C1GALT1C1L: variants seen among roughly 807,000 people sequenced by gnomAD.
C1GALT1C1L encodes C1GALT1 specific chaperone 1 like.
A neutral mutation model predicts 0.5 loss-of-function variants in C1GALT1C1L; 1 was observed. That is an observed-to-expected ratio of 2.11 (90% confidence interval 0.75 to 10.02). The LOEUF is 10.02. C1GALT1C1L is among the 30% of genes most tolerant of loss of function. The pLI is 0.13. For missense variants in C1GALT1C1L, 444 were observed against 375.5 expected (o/e 1.18, Z -1.51); for synonymous variants, 148 against 132.6 (o/e 1.12, Z -0.80).
chr2:43,676,188 A>G lies in C1GALT1C1L; in HGVS notation c.135T>C (p.Leu45=). Residue 45 remains leucine (L), a synonymous_variant, in exon 1 of 1, where the codon CTT becomes CTC. Coordinates refer to ENST00000475092, the MANE Select transcript of C1GALT1C1L (RefSeq NM_001101330.3). ...AGAAATCGTTCCTGTTAGGTGGACG[A>G]AGGTGATGGTGCTCGTGGTCTTGAG... The part of the protein sequence containing the change: ...GQTQDHEHHH[L]RPPNRNDFLN... 6.2e-7 allele frequency: 1 copy of G among 1,614,034 alleles called. No individual in the cohort carries two copies. The highest frequency in any genetic ancestry group is 8.5e-7 in the Non-Finnish European group (1 of 1,179,898).
At chr2:43,675,473 C>A in the C1GALT1C1L span, 10 of 1,613,850 alleles carry the variant, frequency 6.2e-6, no homozygotes, top group South Asian at 1.1e-4. Flanking sequence ...ATCATTACTT[C>A]CATCTTTTGG....
At position 43,676,203 on chromosome 2, in the gene C1GALT1C1L, G is replaced by A. The variant is rs747149020; in HGVS notation, c.120C>T (p.His40=). The change falls in exon 1 of 1, where the codon CAC becomes CAT. Residue 40 remains histidine (H), a synonymous_variant. Transcript: ENST00000475092. ...TAGGTGGACGAAGGTGATGGTGCTCGTGGTCTTGAGTTTGACCTCTGTGTC... is the reference window on the plus strand; with the variant it reads ...TAGGTGGACGAAGGTGATGGTGCTCATGGTCTTGAGTTTGACCTCTGTGTC... ...HIRHRGQTQD[H]EHHHLRPPNR... 1.2e-6 allele frequency: 2 copies of A among 1,614,016 alleles called. No individual in the cohort carries two copies. The highest frequency in any genetic ancestry group is 1.7e-6 in the Non-Finnish European group (2 of 1,179,896).
At position 43,675,678 on chromosome 2, in the gene C1GALT1C1L, A is replaced by G. The variant is rs753946178; in HGVS notation, c.645T>C (p.Ser215=). The G allele has an allele frequency of 3.1e-6, 5 of 1,613,966 alleles. No homozygotes were observed. In the African/African-American group the frequency reaches 6.7e-5, roughly 22 times the overall value. Residue 215 remains serine (S), a synonymous_variant, in exon 1 of 1, where the codon TCT becomes TCC. Transcript: ENST00000475092. The part of the protein sequence containing the change: ...CADQSVIWKL[S]EDKQLAICLK... ...GGCATATTGCCAGCTGCTTATCTTC[A>G]GATAACTTCCAAATCACACTTTGAT... is the stretch of plus-strand genomic sequence containing the variant.
the C1GALT1C1L span, chr2:43,675,913 C>T: frequency 2.5e-6 from 4 of 1,614,030 alleles, no homozygotes; most frequent in Non-Finnish European, 3.4e-6. Context: ...AAGGAAGAAC[C>T]AGTTGTAGTT....
the C1GALT1C1L span, chr2:43,675,904 AG>A: frequency 6.2e-7 from 1 of 1,614,120 alleles, no homozygotes; most frequent in Non-Finnish European, 8.5e-7. Context: ...GGGAAGTGCA[AG>A]GAAGAACCAG....
rs769651327 is a variant in C1GALT1C1L at position 43,675,902 on chromosome 2, C to G, written c.421G>C (p.Ala141Pro). 6.2e-7 allele frequency: 1 copy of G among 1,613,958 alleles called. No homozygotes were observed. The highest frequency in any genetic ancestry group is 8.5e-7 in the Non-Finnish European group (1 of 1,179,966). Reference protein sequence around the residue: ...YGDNYNWFFLALPTTFAVIEN... With the variant: ...YGDNYNWFFLPLPTTFAVIEN... ...ATGACAGCAAACGTAGTGGGAAGTG[C>G]AAGGAAGAACCAGTTGTAGTTGTCA... Residue 141 changes from alanine to proline, a missense_variant, in exon 1 of 1, where the codon GCA becomes CCA. Transcript: ENST00000475092.
chr2:43,676,372 GGTCCTGGGGTCCCGCGCCTT>G lies in C1GALT1C1L; in HGVS notation c.-70_-51del. 6.9e-7 allele frequency: 1 copy of G among 1,442,936 alleles called. No homozygotes were observed. The highest frequency in any genetic ancestry group is 1.4e-5 in the South Asian group (1 of 72,864). The allele number at this position is 1,442,936 out of a possible 1,614,324, so 89.4% of individuals were successfully genotyped here. ...CAGGGTCAAAGGCAGCCTGGGACCG[GGTCCTGGGGTCCCGCGCCTT>G]CCGGAGCTGGCGGCTGCGCTCCCGG... On this transcript the variant is annotated 5_prime_UTR_variant, in exon 1 of 1. Coordinates refer to ENST00000475092, the MANE Select transcript of C1GALT1C1L (RefSeq NM_001101330.3).
Position 43,676,104 on chromosome 2 carries a change from G to A in C1GALT1C1L, c.219C>T (p.Ile73=), listed in dbSNP as rs1411738041. The change falls in exon 1 of 1, where the codon ATC becomes ATT. Residue 73 remains isoleucine, a synonymous_variant. Coordinates refer to ENST00000475092, the MANE Select transcript of C1GALT1C1L (RefSeq NM_001101330.3). ...ELSKSIRVFC[I]IFGESEDESY... is the part of the protein sequence containing the mutation. ...TCTCATCTTCGGATTCTCCAAAGAT[G>A]ATACAGAAAACACGAATACTTTTAC... The A allele has an allele frequency of 3.7e-6, 6 of 1,613,886 alleles. No individual in the cohort carries two copies. The East Asian group carries it at 1.3e-4, about 36-fold the overall frequency.
In C1GALT1C1L at chr2:43,675,617, C is replaced by T; in HGVS notation, c.706G>A (p.Asp236Asn). ...YAGVHAENAE[D>N]YEGRDVFNTK... ...TTAAATACATCTCTTCCTTCATAATCCTCTGCATTTTCTGCATGAACTCCT... is the reference window on the plus strand; with the variant it reads ...TTAAATACATCTCTTCCTTCATAATTCTCTGCATTTTCTGCATGAACTCCT... Residue 236 changes from aspartate (D) to asparagine (N), a missense_variant, in exon 1 of 1, where the codon GAT becomes AAT. Physicochemically the swap from Asp to Asn is conservative, Grantham distance 23 (BLOSUM62 1). Coordinates refer to ENST00000475092, the MANE Select transcript of C1GALT1C1L (RefSeq NM_001101330.3). 1 of 1,613,686 alleles carries T rather than the reference C, an allele frequency of 6.2e-7. No homozygotes were observed. The highest frequency in any genetic ancestry group is 8.5e-7 in the Non-Finnish European group (1 of 1,179,790).
Position 43,675,542 on chromosome 2 carries a change from G to T in C1GALT1C1L, c.781C>A (p.Gln261Lys). 6.2e-7 allele frequency: 1 copy of T among 1,613,980 alleles called. No homozygotes were observed. The highest frequency in any genetic ancestry group is 1.7e-5 in the Admixed American group (1 of 60,020). Residue 261 changes from glutamine to lysine, a missense_variant, in exon 1 of 1, where the codon CAG becomes AAG. Coordinates refer to ENST00000475092, the MANE Select transcript of C1GALT1C1L (RefSeq NM_001101330.3). ...LIEEALSNNP[Q>K]QVVEGCCSDM... ...GAACAGCAGCCTTCTACTACTTGCTGAGGGTTATTAGACAATGCCTCTTCA... is the reference window on the plus strand; with the variant it reads ...GAACAGCAGCCTTCTACTACTTGCTTAGGGTTATTAGACAATGCCTCTTCA...
chr2:43,675,783 AGTCACGTATTCGAG>A, the C1GALT1C1L span: 1 of 1,613,702 alleles, frequency 6.2e-7, no homozygotes, highest in East Asian at 2.2e-5. Flanking sequence ...CTCCTTCCAC[AGTCACGTATTCGAG>A]GTCTCCAAAT....
chr2:43,676,149 T>A lies in C1GALT1C1L; in HGVS notation c.174A>T (p.Lys58Asn), dbSNP rs1481590142. The change falls in exon 1 of 1, where the codon AAA becomes AAT. Residue 58 changes from lysine to asparagine, a missense_variant. Transcript: ENST00000475092. ...PNRNDFLNTS[K>N]VILLELSKSI... ...TTTTACTGAGCTCCAAGAGTATCAC[T>A]TTTGAAGTGTTTAAGAAATCGTTCC... is the stretch of plus-strand genomic sequence containing the variant. 6.2e-7 allele frequency: 1 copy of A among 1,613,980 alleles called. No individual in the cohort carries two copies. The highest frequency in any genetic ancestry group is 8.5e-7 in the Non-Finnish European group (1 of 1,179,846).
Position 43,675,298 on chromosome 2 carries a change from A to G in C1GALT1C1L, c.*77T>C. On this transcript the variant is annotated 3_prime_UTR_variant, in exon 1 of 1. Transcript: ENST00000475092. Reference sequence around the variant, plus strand: ...TTATTGAATGAAGTACGTATTTTACACTTACACTGTATCAGAATTTGGACT... The same window carrying G: ...TTATTGAATGAAGTACGTATTTTACGCTTACACTGTATCAGAATTTGGACT... 1 of 942,758 alleles carries G rather than the reference A, an allele frequency of 1.1e-6. No homozygotes were observed. Among genetic ancestry groups the G allele is most frequent in the Non-Finnish European group, 1.6e-6 (1 of 644,936 alleles). The allele number at this position is 942,758 out of a possible 1,614,324, so 58.4% of individuals were successfully genotyped here. A position where few individuals can be genotyped will look rare whatever the true frequency, so the allele number is the denominator to read the frequency against.
In C1GALT1C1L at chr2:43,676,350, G is replaced by C. The variant is rs774767019; in HGVS notation, c.-28C>G. 1.3e-6 allele frequency: 2 copies of C among 1,540,452 alleles called. No homozygotes were observed. The highest frequency in any genetic ancestry group is 1.3e-5 in the South Asian group (1 of 78,694). The stretch of plus-strand genomic sequence containing the variant: ...TCCAGGCGTTAGGACAGTGTGCCAG[G>C]GTCAAAGGCAGCCTGGGACCGGGTC... On this transcript the variant is annotated 5_prime_UTR_variant, in exon 1 of 1. Transcript: ENST00000475092.
rs765344755 is a variant in C1GALT1C1L at position 43,676,370 on chromosome 2, CG to C, written c.-49del. 6.7e-7 allele frequency: 1 copy of C among 1,484,870 alleles called. No individual in the cohort carries two copies. The highest frequency in any genetic ancestry group is 1.3e-5 in the South Asian group (1 of 74,676). The allele number at this position is 1,484,870 out of a possible 1,614,324, so 92.0% of individuals were successfully genotyped here. ...GCCAGGGTCAAAGGCAGCCTGGGAC[CG>C]GGTCCTGGGGTCCCGCGCCTTCCGG... On this transcript the variant is annotated 5_prime_UTR_variant, in exon 1 of 1. Coordinates refer to ENST00000475092, the MANE Select transcript of C1GALT1C1L (RefSeq NM_001101330.3).
At position 43,675,589 on chromosome 2, in the gene C1GALT1C1L, G is replaced by C; in HGVS notation, c.734C>G (p.Thr245Arg). ...EDYEGRDVFN[T>R]KPIAQLIEEA... ...TTCAATAAGCTGTGCGATTGGTTTT[G>C]TATTAAATACATCTCTTCCTTCATA... is the stretch of plus-strand genomic sequence containing the variant. The change falls in exon 1 of 1, where the codon ACA (threonine) becomes AGA (arginine). Residue 245 changes from threonine (T) to arginine (R), a missense_variant. Transcript: ENST00000475092. 6.2e-7 allele frequency: 1 copy of C among 1,613,666 alleles called. No individual in the cohort carries two copies. Among genetic ancestry groups the C allele is most frequent in the Non-Finnish European group, 8.5e-7 (1 of 1,179,732 alleles).
Position 43,675,891 on chromosome 2 carries a change from A to G in C1GALT1C1L, c.432T>C (p.Thr144=). Residue 144 remains threonine, a synonymous_variant, in exon 1 of 1, where the codon ACT becomes ACC. Coordinates refer to ENST00000475092, the MANE Select transcript of C1GALT1C1L (RefSeq NM_001101330.3). ...TTAAATTTTCAATGACAGCAAACGT[A>G]GTGGGAAGTGCAAGGAAGAACCAGT... is the stretch of plus-strand genomic sequence containing the variant. ...NYNWFFLALP[T]TFAVIENLKY... 1 of 1,614,150 alleles carries G rather than the reference A, an allele frequency of 6.2e-7. No homozygotes were observed. The highest frequency in any genetic ancestry group is 8.5e-7 in the Non-Finnish European group (1 of 1,179,968).
rs1196781254 is a variant in C1GALT1C1L at position 43,676,144 on chromosome 2, A to G, written c.179T>C (p.Ile60Thr). 6.2e-7 allele frequency: 1 copy of G among 1,614,048 alleles called. No homozygotes were observed. Among genetic ancestry groups the G allele is most frequent in the African/African-American group, 1.3e-5 (1 of 75,062 alleles). The part of the protein sequence containing the change: ...RNDFLNTSKV[I>T]LLELSKSIRV... The stretch of plus-strand genomic sequence containing the variant: ...AATACTTTTACTGAGCTCCAAGAGT[A>G]TCACTTTTGAAGTGTTTAAGAAATC... Residue 60 changes from isoleucine to threonine, a missense_variant, in exon 1 of 1, where the codon ATA (isoleucine) becomes ACA (threonine). By Grantham distance (89) the Ile-to-Thr change is moderately conservative. Coordinates refer to ENST00000475092, the MANE Select transcript of C1GALT1C1L (RefSeq NM_001101330.3).
chr2:43,675,640 C>T lies in C1GALT1C1L; in HGVS notation c.683G>A (p.Gly228Glu), dbSNP rs747589003. 3 of 1,613,892 alleles carry T rather than the reference C, an allele frequency of 1.9e-6. No individual in the cohort carries two copies. The highest frequency in any genetic ancestry group is 3.3e-5 in the Admixed American group (2 of 60,024). Reference protein sequence around the residue: ...KQLAICLKYAGVHAENAEDYE... With the variant: ...KQLAICLKYAEVHAENAEDYE... ...ATCCTCTGCATTTTCTGCATGAACTCCTGCATATTTCAGGCATATTGCCAG... is the reference window on the plus strand; with the variant it reads ...ATCCTCTGCATTTTCTGCATGAACTTCTGCATATTTCAGGCATATTGCCAG... Residue 228 changes from glycine (G) to glutamate (E), a missense_variant, in exon 1 of 1, where the codon GGA becomes GAA. Transcript: ENST00000475092.
Sources: gnomAD v4.1 joint callset for allele counts on GRCh38, gnomAD v4.1.1 for gene constraint, MANE v1.5 for transcripts, NCBI Gene and HGNC (gene_info 2026-07-23, HGNC 2026-07-21) for gene names.